Variants in SNX24 observed in about 807,000 individuals in gnomAD.
The protein encoded by SNX24 is sorting nexin-24.
SNX24 carries 22 observed loss-of-function variants against 28.7 expected under a neutral mutation model. The ratio of observed to expected loss-of-function variants is 0.77; its 90% CI spans 0.55 to 1.10. The LOEUF is 1.10. Ranked by LOEUF, SNX24 falls within the 50% of genes least tolerant of loss-of-function variation. SNX24 has a pLI of 0.00. For synonymous variants in SNX24, 69 were observed against 71.5 expected (o/e 0.96, Z 0.18); for missense variants, 221 against 201.1 (o/e 1.10, Z -0.60).
chr5:123,019,490 A>G (rs896767416), intron 5 of SNX24, among the ~76,000 whole-genome samples: 3 of 152,248 alleles, frequency 2.0e-5, no homozygotes, highest in Non-Finnish European at 2.9e-5. Context: ...GTCCTGTTCA[A>G]AATTCATCAG....
chr5:123,023,939 G>A (rs371579770), intron 5 of SNX24: 10 of 1,614,012 alleles, frequency 6.2e-6, no homozygotes, highest in East Asian at 2.2e-5. Context: ...GTTGATGATC[G>A]AGCAGTTGGT....
chr5:123,002,627 G>A (rs568973248), intron 6 of SNX24, among the ~76,000 whole-genome samples: 7 of 152,058 alleles, frequency 4.6e-5, no homozygotes, highest in African/African-American at 1.4e-4. Context: ...GCGAGACTCC[G>A]TCTCAAAAAA....
Position 122,911,842 on chromosome 5 carries a change from T to C in SNX24, c.61-24892T>C, listed in dbSNP as rs1434762780. On this transcript the variant is annotated intron_variant, in intron 1 of 6. Coordinates refer to ENST00000261369, the MANE Select transcript of SNX24 (RefSeq NM_014035.4). Reference sequence around the variant, plus strand: ...CCATTGATCTATATCTCTGTTTTGGTACCAGTACCATGCTGTTTTGCTTAC... The same window carrying C: ...CCATTGATCTATATCTCTGTTTTGGCACCAGTACCATGCTGTTTTGCTTAC... Among the ~76,000 whole-genome samples the C allele has an allele frequency of 3.1e-3, 437 of 142,164 alleles. 3 individuals carry two copies. Among genetic ancestry groups the C allele is most frequent in the African/African-American group, 0.011 (414 of 37,028 alleles). The allele number at this position is 142,164 out of a possible 152,430, so 93.3% of individuals were successfully genotyped here.
intron 1 of SNX24, among the ~76,000 whole-genome samples, chr5:122,920,493 A>G (rs1409371762): frequency 1.3e-5 from 2 of 152,236 alleles, no homozygotes; most frequent in Non-Finnish European, 2.9e-5. Context: ...CCTGCACAGT[A>G]TATAAAGTGT....
chr5:122,940,648 T>C (rs1759400924), intron 2 of SNX24, among the ~76,000 whole-genome samples: 1 of 152,112 alleles, frequency 6.6e-6, no homozygotes, highest in Non-Finnish European at 1.5e-5. Flanking sequence ...CTAAGCTCAC[T>C]GCAACCTCCG....
intron 1 of SNX24, among the ~76,000 whole-genome samples, chr5:122,898,939 G>A (rs879684246): frequency 6.6e-6 from 1 of 152,226 alleles, no homozygotes; most frequent in Admixed American, 6.5e-5. Context: ...AACCTTGAAA[G>A]TGTCCCCATC....
At chr5:122,883,894 A>T (rs1337520966) in intron 1 of SNX24, among the ~76,000 whole-genome samples, 1 of 152,140 alleles carries the variant, frequency 6.6e-6, no homozygotes, top group Non-Finnish European at 1.5e-5. Flanking sequence ...GGCTCAAGCA[A>T]TCCTCTCACC....
intron 1 of SNX24, among the ~76,000 whole-genome samples, chr5:122,880,716 A>T (rs753852433): frequency 3.3e-4 from 51 of 152,330 alleles, no homozygotes; most frequent in Non-Finnish European, 3.1e-4. Flanking sequence ...AATCCTAGAG[A>T]TAAAGGGGGC....
rs1762475565 is a variant in SNX24 at position 123,007,952 on chromosome 5, A to G, written c.*203A>G. On this transcript the variant is annotated 3_prime_UTR_variant, in exon 7 of 7. Coordinates refer to ENST00000261369, the MANE Select transcript of SNX24 (RefSeq NM_014035.4). Reference sequence around the variant, plus strand: ...TAGAAACTGAACCGGGGCGGTGGTCAGGCTAAGGCCAAGTGTTTAAGAAGT... The same window carrying G: ...TAGAAACTGAACCGGGGCGGTGGTCGGGCTAAGGCCAAGTGTTTAAGAAGT... 40 of 1,324,698 alleles carry G rather than the reference A, an allele frequency of 3.0e-5. No individual in the cohort carries two copies. The highest frequency in any genetic ancestry group is 3.8e-5 in the Non-Finnish European group (39 of 1,033,636). The allele number at this position is 1,324,698 out of a possible 1,614,324, so 82.1% of individuals were successfully genotyped here. A position where few individuals can be genotyped will look rare whatever the true frequency, so the allele number is the denominator to read the frequency against.
chr5:122,972,198 A>C (rs1297257503), intron 3 of SNX24, among the ~76,000 whole-genome samples: 1 of 152,124 alleles, frequency 6.6e-6, no homozygotes, highest in African/African-American at 2.4e-5. Flanking sequence ...AGTTTAATGG[A>C]ATCATTGTTG....
intron 1 of SNX24, among the ~76,000 whole-genome samples, chr5:122,871,649 AATC>A (rs1755986042): frequency 6.6e-6 from 1 of 152,124 alleles, no homozygotes; most frequent in African/African-American, 2.4e-5. Flanking sequence ...ATGCGCCTGT[AATC>A]CCAGCTACTC....
intron 5 of SNX24, among the ~76,000 whole-genome samples, chr5:123,020,552 C>T (rs1377885322): frequency 1.2e-4 from 19 of 152,116 alleles, no homozygotes; most frequent in Admixed American, 3.9e-4. Context: ...TGAAGTTGCT[C>T]CCAGTATTTT....
chr5:123,001,350 A>G, intron 4 of SNX24, 55 bp from the exon 5 acceptor site: 1 of 1,190,948 alleles, frequency 8.4e-7, no homozygotes. Context: ...GTTGGCATAA[A>G]CATTGACTCA....
chr5:122,905,234 G>A (rs1336850573), intron 1 of SNX24, among the ~76,000 whole-genome samples: 2 of 152,134 alleles, frequency 1.3e-5, no homozygotes, highest in African/African-American at 2.4e-5. Flanking sequence ...GGTAGAGAGT[G>A]GAGTGAAGTG....
At chr5:122,891,158 TTTTTTTG>T (rs1308254911) in intron 1 of SNX24, 7 of 1,426,108 alleles carry the variant, frequency 4.9e-6, no homozygotes, top group East Asian at 2.6e-5. Context: ...TTACCTAGTG[TTTTTTTG>T]TTTTTTGTTT....
chr5:122,988,658 A>G (rs1761704099), intron 3 of SNX24, among the ~76,000 whole-genome samples: 1 of 152,176 alleles, frequency 6.6e-6, no homozygotes, highest in African/African-American at 2.4e-5. Context: ...AAAACACTCC[A>G]TTTCCATAGG....
At chr5:122,973,398 G>C (rs886635545) in intron 3 of SNX24, among the ~76,000 whole-genome samples, 1 of 152,230 alleles carries the variant, frequency 6.6e-6, no homozygotes, top group African/African-American at 2.4e-5. Context: ...GAAAGGGACT[G>C]TAGTGCTGCA....
chr5:122,899,719 A>G (rs1285726814), intron 1 of SNX24, among the ~76,000 whole-genome samples: 1 of 152,024 alleles, frequency 6.6e-6, no homozygotes, highest in Non-Finnish European at 1.5e-5. Context: ...CCCTCTGTTG[A>G]ATAGTAAAAA....
At chr5:122,893,891 A>G (rs2150073044) in intron 1 of SNX24, among the ~76,000 whole-genome samples, 1 of 152,298 alleles carries the variant, frequency 6.6e-6, no homozygotes, top group Non-Finnish European at 1.5e-5. Flanking sequence ...TAAAAAATAC[A>G]AAAAAGTTAG....
Sources: allele counts gnomAD v4.1 joint callset (sites outside exome capture counted in the v4.1 genomes callset), GRCh38; gene constraint gnomAD v4.1.1; transcripts MANE v1.5; gene names NCBI Gene and HGNC (gene_info 2026-07-23, HGNC 2026-07-21).